SLC12A7: variants seen among roughly 807,000 people sequenced by gnomAD.
SLC12A7 encodes solute carrier family 12 member 7.
A neutral mutation model predicts 120.6 loss-of-function variants in SLC12A7; 100 were observed. That is an observed-to-expected ratio of 0.83 (90% CI 0.71 to 0.98). The LOEUF is 0.98. Among genes scored for constraint, SLC12A7 ranks in the 50% least tolerant of loss-of-function variants. The pLI is 0.00. For synonymous variants in SLC12A7, 760 were observed against 678.0 expected (o/e 1.12, Z -1.88); for missense variants, 1,373 against 1,548.1 (o/e 0.89, Z 1.90).
the SLC12A7 span, among the ~76,000 whole-genome samples, chr5:1,127,655 A>G: frequency 6.6e-6 from 1 of 152,242 alleles, no homozygotes; most frequent in Non-Finnish European, 1.5e-5. Context: ...AAATAGACAC[A>G]TTCTCCAAAA....
Position 1,081,553 on chromosome 5 carries a change from G to A in SLC12A7, c.1297+24C>T, listed in dbSNP as rs13176210. On this transcript the variant is annotated intron_variant, in intron 9 of 23. Coordinates refer to ENST00000264930, the MANE Select transcript of SLC12A7 (RefSeq NM_006598.3). Reference sequence around the variant, plus strand: ...GAGAGGGAGAGAAAGAAAGAGAAGGGGAAGCCTGGAGCAGCGGGCTCACCG... The same window carrying A: ...GAGAGGGAGAGAAAGAAAGAGAAGGAGAAGCCTGGAGCAGCGGGCTCACCG... 659,112 of 1,586,456 alleles carry A rather than the reference G, an allele frequency of 0.42. 141,915 individuals are homozygous for A. The highest frequency in any genetic ancestry group is 0.45 in the Non-Finnish European group (520,205 of 1,159,728).
At chr5:1,091,513 A>G (rs1740494110) in intron 3 of SLC12A7, among the ~76,000 whole-genome samples, 1 of 152,154 alleles carries the variant, frequency 6.6e-6, no homozygotes, top group African/African-American at 2.4e-5. Context: ...AAACTCCAGC[A>G]CACAGGCGGA....
chr5:1,096,031 G>A (rs1452672948), intron 1 of SLC12A7, among the ~76,000 whole-genome samples: 2 of 152,318 alleles, frequency 1.3e-5, no homozygotes, highest in East Asian at 3.9e-4. Context: ...ACGGTCAAAT[G>A]CACGCACAAC....
chr5:1,137,152 G>A, the SLC12A7 span, among the ~76,000 whole-genome samples: 2 of 152,020 alleles, frequency 1.3e-5, no homozygotes, highest in Admixed American at 6.5e-5. Flanking sequence ...CTGCAGTCCC[G>A]GGTTTTCACC....
chr5:1,064,380 C>T, intron 18 of SLC12A7, 128 bp from the exon 19 acceptor site: 1 of 1,043,216 alleles, frequency 9.6e-7, no homozygotes. Flanking sequence ...AGCCCCCACC[C>T]TCACTCCGTC....
chr5:1,130,199 C>T, the SLC12A7 span, among the ~76,000 whole-genome samples: 2 of 152,210 alleles, frequency 1.3e-5, no homozygotes, highest in African/African-American at 2.4e-5. Flanking sequence ...CAGCCCAGGA[C>T]CCTCCAGAAT....
At chr5:1,052,614 C>T (rs529620441) in intron 23 of SLC12A7, among the ~76,000 whole-genome samples, 163 bp from the exon 24 acceptor site, 17 of 128,544 alleles carry the variant, frequency 1.3e-4, no homozygotes, top group Middle Eastern at 8.6e-3. Context: ...ACCCCCCAGG[C>T]GGGGAGGAGC....
At chr5:1,082,794 C>T (rs1271431963) in intron 8 of SLC12A7, among the ~76,000 whole-genome samples, 3 of 137,332 alleles carry the variant, frequency 2.2e-5, no homozygotes, top group African/African-American at 8.2e-5. Flanking sequence ...CTGGGCTTCC[C>T]GTCTCAGGTT....
intron 1 of SLC12A7, among the ~76,000 whole-genome samples, chr5:1,110,647 C>T (rs190027316): frequency 1.3e-5 from 2 of 152,374 alleles, no homozygotes; most frequent in East Asian, 3.9e-4. Context: ...CCAGGGCCCA[C>T]ACTCCTTGGT....
rs1290827056 is a variant in SLC12A7 at position 1,085,327 on chromosome 5, G to A, written c.822C>T (p.Asn274=). The A allele has an allele frequency of 2.6e-5, 42 of 1,612,608 alleles. No individual in the cohort carries two copies. Among genetic ancestry groups the A allele is most frequent in the Admixed American group, 5.0e-5 (3 of 60,008 alleles). Residue 274 remains asparagine (N), a synonymous_variant, in exon 7 of 24, where the codon AAC becomes AAT. Transcript: ENST00000264930. ...LVVFVGVKYV[N]KLALVFLACV... ...AGGCCAGGAAGACCAGCGCCAGCTT[G>A]TTGACATACTTGACGCCCACGAAGA...
At chr5:1,094,910 G>A (rs1299160011) in intron 1 of SLC12A7, among the ~76,000 whole-genome samples, 5 of 152,078 alleles carry the variant, frequency 3.3e-5, no homozygotes, top group South Asian at 2.1e-4. Context: ...GCAGCTGCCC[G>A]AGAGCATGAG....
the SLC12A7 span, among the ~76,000 whole-genome samples, chr5:1,126,220 T>C: frequency 1.3e-5 from 2 of 152,072 alleles, no homozygotes; most frequent in African/African-American, 4.8e-5. Flanking sequence ...AGCTGACAGC[T>C]GGGATTACAG....
chr5:1,078,384 T>G, intron 11 of SLC12A7: 1 of 551,686 alleles, frequency 1.8e-6, no homozygotes, highest in South Asian at 2.4e-5. Context: ...CCACTACTTC[T>G]CCACTTGCCA....
rs565080869 is a variant in SLC12A7, at chr5:1,106,219, G to A, written c.124+5649C>T. On this transcript the variant is annotated intron_variant, in intron 1 of 23. Coordinates refer to ENST00000264930, the MANE Select transcript of SLC12A7 (RefSeq NM_006598.3). The stretch of plus-strand genomic sequence containing the variant: ...TGTAATCCCAGCACTCCGGGAGGCC[G>A]AAGTGGGCAGACCACTAGAGGCCAG... Among the ~76,000 whole-genome samples, 6 of 152,362 alleles carry A rather than the reference G, an allele frequency of 3.9e-5. No individual in the cohort carries two copies. The South Asian group carries it at 6.2e-4, about 16-fold the overall frequency.
the SLC12A7 span, among the ~76,000 whole-genome samples, chr5:1,143,213 C>T: frequency 6.6e-6 from 1 of 152,260 alleles, no homozygotes; most frequent in East Asian, 1.9e-4. Context: ...CCACCTCCCG[C>T]AGCGCTGGTG....
upstream of SLC12A7, among the ~76,000 whole-genome samples, chr5:1,116,358 C>T (rs781442859): frequency 6.6e-6 from 1 of 152,192 alleles, no homozygotes; most frequent in Non-Finnish European, 1.5e-5. Context: ...AGCCTGTCTG[C>T]ACAGTGGCCA....
the SLC12A7 span, among the ~76,000 whole-genome samples, chr5:1,120,423 A>G: frequency 6.6e-6 from 1 of 152,202 alleles, no homozygotes; most frequent in African/African-American, 2.4e-5. Flanking sequence ...GCACGTGGAG[A>G]TGCCACCTCG....
chr5:1,129,579 A>G, the SLC12A7 span, among the ~76,000 whole-genome samples: 1 of 152,132 alleles, frequency 6.6e-6, no homozygotes. Context: ...GGGCGGCTCC[A>G]GGAGCCCAGC....
intron 8 of SLC12A7, among the ~76,000 whole-genome samples, chr5:1,082,943 CCGTCTCGGGTTCTGGAAAGCCTGGGCTT>C: frequency 6.8e-6 from 1 of 147,508 alleles, no homozygotes. Flanking sequence ...CCTGGGCTTC[CCGTCTCGGGTTCTGGAAAGCCTGGGCTT>C]CCTCTCTAGG....
Sources: allele counts gnomAD v4.1 joint callset (sites outside exome capture counted in the v4.1 genomes callset), GRCh38; gene constraint gnomAD v4.1.1; transcripts MANE v1.5; gene names NCBI Gene and HGNC (gene_info 2026-07-23, HGNC 2026-07-21).